Variants in BPIFB3 observed in about 807,000 individuals in gnomAD.
The protein encoded by BPIFB3 is BPI fold-containing family B member 3.
Under a neutral mutation model 53.1 loss-of-function variants are expected in BPIFB3, and 49 were observed. The observed-to-expected ratio is 0.92, with a 90% confidence interval of 0.73 to 1.17. The LOEUF is 1.17. Among genes scored for constraint, BPIFB3 ranks in the 50% most tolerant of loss-of-function variants. BPIFB3 has a pLI of 0.00. For missense variants in BPIFB3, 628 were observed against 592.5 expected, an observed-to-expected ratio of 1.06 and a Z score of -0.62; for synonymous variants, 271 against 269.6, an observed-to-expected ratio of 1.01 and a Z score of -0.05.
intron 14 of BPIFB3, among the ~76,000 whole-genome samples, chr20:33,073,267 T>G (rs1980979473): frequency 6.6e-6 from 1 of 152,100 alleles, no homozygotes; most frequent in Non-Finnish European, 1.5e-5. Context: ...CTCTAGGAGG[T>G]GGGCAGAGCA....
In BPIFB3 at chr20:33,066,804, C is replaced by T. The variant is rs772259493; in HGVS notation, c.925-20C>T. 12 of 1,613,492 alleles carry T rather than the reference C, an allele frequency of 7.4e-6. No individual in the cohort carries two copies. The highest frequency in any genetic ancestry group is 1.0e-5 in the Non-Finnish European group (12 of 1,179,378). ...TTCTGTCTCTGTGCTCACCAACCCTCTCTCCCATTGGGGGTCCAGGTTCCC... is the reference window on the plus strand; with the variant it reads ...TTCTGTCTCTGTGCTCACCAACCCTTTCTCCCATTGGGGGTCCAGGTTCCC... On this transcript the variant is annotated intron_variant, in intron 8 of 14. Coordinates refer to ENST00000375494, the Ensembl canonical transcript of BPIFB3.
chr20:33,064,688 G>A (rs1013239224), exon 8 of BPIFB3: 11 of 1,613,880 alleles, frequency 6.8e-6, no homozygotes, highest in East Asian at 2.2e-5. Flanking sequence ...AGTGTAGCTG[G>A]TGATATCATT....
intron 1 of BPIFB3, among the ~76,000 whole-genome samples, chr20:33,056,008 C>T (rs2146378477): frequency 2.6e-5 from 4 of 152,318 alleles, no homozygotes; most frequent in Middle Eastern, 6.8e-3. Flanking sequence ...TGCCTCTACT[C>T]TACAGGGCCA....
At chr20:33,072,111 G>A (rs147653729) in exon 13 of BPIFB3, 231 of 1,614,196 alleles carry the variant, frequency 1.4e-4, no homozygotes, top group East Asian at 1.8e-4. Context: ...CAGGGATCGC[G>A]TTTAGAAGAA....
At position 33,064,335 on chromosome 20, in the gene BPIFB3, A is replaced by G. The variant is rs1015998077; in HGVS notation, c.653-122A>G. 3.1e-5 allele frequency: 24 copies of G among 784,522 alleles called. 1 individual carries two copies. Among genetic ancestry groups the G allele is most frequent in the Non-Finnish European group, 4.2e-5 (20 of 477,670 alleles). 48.6% of individuals were successfully genotyped at this position (784,522 alleles called of 1,614,324 possible). ...TCTGTAAAATGGGGATGACAGTAGCAGCCAAGTGAATGCTTAGTAGAGTGC... is the reference window on the plus strand; with the variant it reads ...TCTGTAAAATGGGGATGACAGTAGCGGCCAAGTGAATGCTTAGTAGAGTGC... On this transcript the variant is annotated intron_variant, in intron 6 of 14. Transcript: ENST00000375494.
chr20:33,059,786 G>A, intron 3 of BPIFB3, 105 bp from the exon 5 acceptor site: 1 of 1,467,214 alleles, frequency 6.8e-7, no homozygotes, highest in Non-Finnish European at 9.2e-7. Flanking sequence ...GGCAGAGGCT[G>A]AGAAGGGGGC....
chr20:33,070,307 A>G (rs1386743963), intron 11 of BPIFB3, among the ~76,000 whole-genome samples: 1 of 152,186 alleles, frequency 6.6e-6, no homozygotes, highest in East Asian at 1.9e-4. Context: ...GTGTCAGGAA[A>G]TGTGTTGTTA....
chr20:33,061,862 C>G (rs1284808842), intron 5 of BPIFB3, 31 bp downstream of exon 6: 5 of 1,611,762 alleles, frequency 3.1e-6, no homozygotes, highest in East Asian at 2.2e-5. Context: ...CCAGCATGCC[C>G]TCTCCCAGGA....
rs149360897 is a variant in BPIFB3, at chr20:33,060,041, C to T, written c.527+10C>T. ...TCAGCCTGTTCTCAGGGTGAGTCTG[C>T]AGGTTCCAGCCTGCAACCCTGACCC... On this transcript the variant is annotated intron_variant, in intron 4 of 14. Transcript: ENST00000375494. 1.8e-5 allele frequency: 29 copies of T among 1,613,044 alleles called. No individual in the cohort carries two copies. The African/African-American group carries it at 3.6e-4, about 20-fold the overall frequency.
At chr20:33,064,519 T>C (rs759661148) in exon 7 of BPIFB3, 2 of 1,614,020 alleles carry the variant, frequency 1.2e-6, no homozygotes, top group Non-Finnish European at 1.7e-6. Flanking sequence ...GCCTCTCATC[T>C]CCAACCAGTA....
intron 2 of BPIFB3, among the ~76,000 whole-genome samples, chr20:33,057,685 C>T (rs1018414850): frequency 1.3e-5 from 2 of 152,052 alleles, no homozygotes; most frequent in Non-Finnish European, 2.9e-5. Context: ...GAGTGTTTGT[C>T]CCTCACACAG....
exon 9 of BPIFB3, chr20:33,066,876 A>T: frequency 1.9e-6 from 3 of 1,614,024 alleles, no homozygotes; most frequent in Non-Finnish European, 2.5e-6. Flanking sequence ...TTGCTCCCTG[A>T]GGTGAGTGAC....
intron 10 of BPIFB3, 48 bp from the exon 12 acceptor site, chr20:33,069,839 AG>A (rs1980812284): frequency 2.5e-6 from 4 of 1,598,370 alleles, no homozygotes; most frequent in Non-Finnish European, 3.4e-6. Context: ...CCCGTCCTCA[AG>A]CTCCTTCTGC....
chr20:33,055,476 C>G (rs1486001052), exon 1 of BPIFB3: 1 of 1,613,556 alleles, frequency 6.2e-7, no homozygotes, highest in Non-Finnish European at 8.5e-7. Context: ...TGGGGCCTGG[C>G]GACTCCATGC....
At chr20:33,060,142 G>T (rs1054639592) in intron 4 of BPIFB3, 111 bp downstream of exon 5, 46 of 1,404,624 alleles carry the variant, frequency 3.3e-5, no homozygotes, top group Non-Finnish European at 4.0e-5. Flanking sequence ...GCCTGAACTC[G>T]TCCTACCCCT....
downstream of BPIFB3, chr20:33,073,630 C>T (rs779615526): frequency 1.2e-6 from 2 of 1,613,524 alleles, no homozygotes; most frequent in East Asian, 2.2e-5. Context: ...CACCAGCCTT[C>T]CCTGTTGACT....
At chr20:33,064,843 C>T (rs774318102) in exon 8 of BPIFB3, 1 of 1,611,868 alleles carries the variant, frequency 6.2e-7, no homozygotes, top group East Asian at 2.2e-5. Context: ...CACCCCTGAG[C>T]TGGTGAGTGT....
chr20:33,064,955 T>C (rs373395234), intron 8 of BPIFB3, 110 bp downstream of exon 9: 7 of 1,218,290 alleles, frequency 5.7e-6, no homozygotes, highest in Middle Eastern at 2.8e-4. Context: ...CTCCTCTCTA[T>C]AATAAAAGGG....
chr20:33,073,147 C>T lies in BPIFB3; in HGVS notation c.1401+354C>T, dbSNP rs184814077. Among the ~76,000 whole-genome samples the T allele has an allele frequency of 1.4e-4, 22 of 152,324 alleles. No homozygotes were observed. In the East Asian group the frequency reaches 2.3e-3, roughly 16 times the overall value. ...AATACATATGCCATCTCTCCCTTAT[C>T]TTGTGTCTGCAGCAGATATGACCAA... On this transcript the variant is annotated intron_variant, in intron 14 of 14. Coordinates refer to ENST00000375494, the Ensembl canonical transcript of BPIFB3.
Sources: allele counts gnomAD v4.1 joint callset (sites outside exome capture counted in the v4.1 genomes callset), GRCh38; gene constraint gnomAD v4.1.1; transcripts MANE v1.5; gene names NCBI Gene and HGNC (gene_info 2026-07-23, HGNC 2026-07-21).